BDNF: variants seen among roughly 807,000 people sequenced by gnomAD.
BDNF encodes neurotrophic factor BDNF precursor form.
A neutral mutation model predicts 19.5 loss-of-function variants in BDNF; 1 was observed. The ratio of observed to expected loss-of-function variants is 0.05; its 90% CI spans 0.02 to 0.24. BDNF has a LOEUF of 0.24. Ranked by LOEUF, BDNF falls within the 10% of genes least tolerant of loss-of-function variation. BDNF has a pLI of 1.00. For synonymous variants in BDNF, 100 were observed against 121.6 expected, an observed-to-expected ratio of 0.82 and a Z score of 1.17; for missense variants, 195 against 317.6, an observed-to-expected ratio of 0.61 and a Z score of 2.93.
chr11:27,700,053 A>C, intron 1 of BDNF, 111 bp downstream of exon 1: 1 of 937,980 alleles, frequency 1.1e-6, no homozygotes, highest in Non-Finnish European at 1.3e-6. Context: ...GAGGGGAGGA[A>C]AGAAGGAGAC....
chr11:27,700,600 G>A, upstream of BDNF: 1 of 973,634 alleles, frequency 1.0e-6, no homozygotes, highest in Non-Finnish European at 1.2e-6. Flanking sequence ...CGCTTAAAGG[G>A]AACGCCGCGT....
At chr11:27,694,957 C>T (rs1433315970) in intron 1 of BDNF, among the ~76,000 whole-genome samples, 1 of 152,120 alleles carries the variant, frequency 6.6e-6, no homozygotes, top group African/African-American at 2.4e-5. Context: ...CCGTTGATTC[C>T]TGGCATGCTA....
At chr11:27,700,103 T>C in intron 1 of BDNF, 61 bp downstream of exon 1, 1 of 986,076 alleles carries the variant, frequency 1.0e-6, no homozygotes, top group South Asian at 4.7e-5. Context: ...GATCCCCCAG[T>C]CAACTCTCTC....
At chr11:27,681,051 G>A (rs1856776076) in intron 1 of BDNF, among the ~76,000 whole-genome samples, 1 of 152,158 alleles carries the variant, frequency 6.6e-6, no homozygotes, top group Admixed American at 6.5e-5. Context: ...ACAAGTAATG[G>A]GGATAAGAGA....
Position 27,657,503 on chromosome 11 carries a change from A to G in BDNF, c.*318T>C, listed in dbSNP as rs1237324545. The G allele has an allele frequency of 2.7e-6, 3 of 1,106,630 alleles. No homozygotes were observed. In the East Asian group the frequency reaches 1.9e-4, roughly 71 times the overall value. The allele number at this position is 1,106,630 out of a possible 1,614,324, so 68.6% of individuals were successfully genotyped here. A position where few individuals can be genotyped will look rare whatever the true frequency, so the allele number is the denominator to read the frequency against. Reference sequence around the variant, plus strand: ...TCTGAAAGAGGACAGTTTATTATCAATTCACAATTAAAGCAGCATGCAATT... The same window carrying G: ...TCTGAAAGAGGACAGTTTATTATCAGTTCACAATTAAAGCAGCATGCAATT... On this transcript the variant is annotated 3_prime_UTR_variant, in exon 2 of 2. Coordinates refer to ENST00000356660, the MANE Select transcript of BDNF (RefSeq NM_001709.5). The surrounding 1 kb of genome is among the most constrained non-coding windows in gnomAD (Gnocchi z 5.0).
At chr11:27,671,516 A>G (rs1358356448) in intron 1 of BDNF, among the ~76,000 whole-genome samples, 1 of 152,180 alleles carries the variant, frequency 6.6e-6, no homozygotes, top group African/African-American at 2.4e-5. Flanking sequence ...ATTTTCAAGT[A>G]TGAAATTGAT....
At chr11:27,687,050 T>G (rs1857577586) in intron 1 of BDNF, among the ~76,000 whole-genome samples, 1 of 152,160 alleles carries the variant, frequency 6.6e-6, no homozygotes, top group Admixed American at 6.5e-5. Context: ...ACCAATGAAA[T>G]GTAGGTTTGG....
chr11:27,700,882 TC>T, upstream of BDNF: 1 of 1,292,848 alleles, frequency 7.7e-7, no homozygotes, highest in South Asian at 1.3e-5. Context: ...GAGGTCTCGC[TC>T]CCCTAGCTTT....
intron 1 of BDNF, among the ~76,000 whole-genome samples, chr11:27,668,473 C>T (rs1854754000): frequency 6.6e-6 from 1 of 151,992 alleles, no homozygotes; most frequent in Non-Finnish European, 1.5e-5. Flanking sequence ...AACCCAGGAG[C>T]TGGTTTTTTA....
At chr11:27,698,223 TC>T (rs1564986504) in intron 1 of BDNF, 1 of 35,294 alleles carries the variant, frequency 2.8e-5, no homozygotes, top group Non-Finnish European at 5.1e-5. Context: ...GAGGTAAATT[TC>T]CCAAAAAAAA....
intron 1 of BDNF, among the ~76,000 whole-genome samples, chr11:27,666,633 C>T (rs1406019124): frequency 6.6e-6 from 1 of 152,122 alleles, no homozygotes; most frequent in African/African-American, 2.4e-5. Context: ...GACACATGCA[C>T]AAGCTTCAGT....
At chr11:27,674,497 C>T (rs1028230374) in intron 1 of BDNF, 1 of 985,164 alleles carries the variant, frequency 1.0e-6, no homozygotes, top group African/African-American at 1.7e-5. Flanking sequence ...TTTCCAGGCC[C>T]TGTGCATAAT....
chr11:27,701,578 C>T (rs1859896987), upstream of BDNF: 23 of 986,534 alleles, frequency 2.3e-5, no homozygotes, highest in Non-Finnish European at 2.8e-5. Flanking sequence ...CATGCTAGTT[C>T]GCCGGGGGGA....
intron 1 of BDNF, chr11:27,665,390 G>A (rs1386736260): frequency 6.6e-6 from 1 of 152,436 alleles, no homozygotes; most frequent in Non-Finnish European, 1.5e-5. Flanking sequence ...ATTTCCAACT[G>A]AGGTACCGGG....
chr11:27,719,359 C>A (rs1860658537), intron 1 of BDNF, among the ~76,000 whole-genome samples: 1 of 152,206 alleles, frequency 6.6e-6, no homozygotes, highest in Admixed American at 6.5e-5. Flanking sequence ...CTCTGTCCAG[C>A]CGCCGCACGG....
chr11:27,659,752 T>C (rs1039743005), intron 1 of BDNF: 2 of 874,232 alleles, frequency 2.3e-6, no homozygotes, highest in Non-Finnish European at 2.8e-6. Flanking sequence ...TTTTCTGCTT[T>C]TGAAGTTTCC....
At chr11:27,700,978 C>T (rs765994816), upstream of BDNF, 1 of 1,360,912 alleles carries the variant, frequency 7.3e-7, no homozygotes, top group Non-Finnish European at 9.8e-7. Flanking sequence ...CACCTTCCCG[C>T]ACCTTCCTGC....
chr11:27,704,189 GGAAAGT>G (rs1860021768), upstream of BDNF, among the ~76,000 whole-genome samples: 3 of 152,040 alleles, frequency 2.0e-5, no homozygotes, highest in Non-Finnish European at 4.4e-5. Context: ...CTAAAATGAG[GGAAAGT>G]TTCACAGCTT....
intron 1 of BDNF, among the ~76,000 whole-genome samples, chr11:27,712,919 CTTTCTTTCTTTT>C (rs939245870): frequency 7.6e-6 from 1 of 131,790 alleles, no homozygotes; most frequent in African/African-American, 2.8e-5. Flanking sequence ...TTCTTTCTTT[CTTTCTTTCTTTT>C]TTTTTTTTTT....
Sources: allele counts gnomAD v4.1 joint callset (sites outside exome capture counted in the v4.1 genomes callset), GRCh38; gene constraint gnomAD v4.1.1; non-coding constraint Gnocchi (gnomAD v3.1); transcripts MANE v1.5; gene names NCBI Gene and HGNC (gene_info 2026-07-23, HGNC 2026-07-21).